Variants in CCDC102B observed in about 807,000 individuals in gnomAD.
CCDC102B encodes coiled-coil domain-containing protein 102B.
In CCDC102B, 75 loss-of-function variants were observed where a neutral mutation model predicts 57.4. The ratio of observed to expected loss-of-function variants is 1.31; its 90% CI spans 1.08 to 1.58. CCDC102B has a LOEUF of 1.58. CCDC102B is among the 40% of genes most tolerant of loss of function. The probability of loss-of-function intolerance (pLI) is 0.00; values close to 1 mark genes in which losing one functional copy is unlikely to be tolerated. For synonymous variants in CCDC102B, 206 were observed against 201.9 expected (o/e 1.02, Z -0.17); for missense variants, 636 against 582.6 (o/e 1.09, Z -0.94).
intron 2 of CCDC102B, among the ~76,000 whole-genome samples, chr18:68,728,936 AT>A (rs147689567): frequency 2.2e-4 from 33 of 151,548 alleles, no homozygotes; most frequent in African/African-American, 4.6e-4. Context: ...CCATATATTG[AT>A]TTTTTTTTAA....
intron 7 of CCDC102B, among the ~76,000 whole-genome samples, chr18:69,018,628 T>C (rs1166020298): frequency 6.6e-6 from 1 of 152,170 alleles, no homozygotes; most frequent in Non-Finnish European, 1.5e-5. Flanking sequence ...TTTTGGGTAT[T>C]TTTGCTATTG....
chr18:68,889,734 C>T (rs138599790), intron 5 of CCDC102B, among the ~76,000 whole-genome samples: 5 of 152,136 alleles, frequency 3.3e-5, no homozygotes, highest in Admixed American at 1.3e-4. Flanking sequence ...CCACCGGGCC[C>T]GGCCAAATTA....
At chr18:68,779,397 G>A (rs185064458) in intron 2 of CCDC102B, among the ~76,000 whole-genome samples, 11 of 152,234 alleles carry the variant, frequency 7.2e-5, no homozygotes, top group Admixed American at 2.6e-4. Flanking sequence ...CAAAGATTGC[G>A]TAAGCATAGC....
chr18:69,022,291 GCACACA>G (rs569332359), intron 7 of CCDC102B, among the ~76,000 whole-genome samples: 1 of 148,952 alleles, frequency 6.7e-6, no homozygotes, highest in Non-Finnish European at 1.5e-5. Context: ...ATATATGTGG[GCACACA>G]CACACACATA....
chr18:69,049,009 G>T (rs1232270033), intron 7 of CCDC102B, among the ~76,000 whole-genome samples: 8 of 150,584 alleles, frequency 5.3e-5, no homozygotes, highest in Non-Finnish European at 1.0e-4. Context: ...ATTCCTGTAT[G>T]TTACCATCAT....
In CCDC102B at chr18:69,054,261, A is replaced by G; in HGVS notation, c.*124A>G. On this transcript the variant is annotated 3_prime_UTR_variant, in exon 8 of 8. Transcript: ENST00000360242. ...TATTAATGAAAAAAACGTAGACAAT[A>G]CACAAATTAATGGGCTTCTTCACTT... 1 of 1,346,936 alleles carries G rather than the reference A, an allele frequency of 7.4e-7. No homozygotes were observed. The highest frequency in any genetic ancestry group is 2.9e-5 in the East Asian group (1 of 34,256). 83.4% of individuals were successfully genotyped at this position (1,346,936 alleles called of 1,614,324 possible).
At chr18:68,975,264 T>C (rs1357638298) in intron 6 of CCDC102B, among the ~76,000 whole-genome samples, 1 of 152,108 alleles carries the variant, frequency 6.6e-6, no homozygotes, top group Non-Finnish European at 1.5e-5. Flanking sequence ...AAATTTTCTA[T>C]TCACTTTTAT....
chr18:69,010,912 A>G (rs753567238), intron 6 of CCDC102B, 22 bp from the exon 7 acceptor site: 2 of 1,542,588 alleles, frequency 1.3e-6, no homozygotes, highest in South Asian at 1.2e-5. Context: ...TAAATAATGT[A>G]ATTTTTGTTT....
chr18:69,053,125 G>A (rs1296855324), intron 7 of CCDC102B, among the ~76,000 whole-genome samples: 2 of 151,732 alleles, frequency 1.3e-5, no homozygotes, highest in Admixed American at 1.3e-4. Context: ...ATGGAAAGGA[G>A]GGTAGGTATA....
At position 68,837,293 on chromosome 18, in the gene CCDC102B, G is replaced by A. The variant is rs374908896; in HGVS notation, c.530G>A (p.Ser177Asn). ...SCEHTDQFQL[S>N]SQMHESIREY... ...GAACATACAGACCAATTTCAATTGA[G>A]TTCACAAATGCATGAGTCTATCAGA... Residue 177 changes from serine to asparagine, a missense_variant, in exon 2 of 8, where the codon AGT (serine) becomes AAT (asparagine). Physicochemically the swap from Ser to Asn is conservative, Grantham distance 46. Transcript: ENST00000360242. The A allele has an allele frequency of 2.4e-5, 38 of 1,613,940 alleles. No homozygotes were observed. In the African/African-American group the frequency reaches 4.1e-4, roughly 18 times the overall value.
chr18:68,940,440 A>T (rs1305678896), intron 6 of CCDC102B, among the ~76,000 whole-genome samples: 5 of 151,886 alleles, frequency 3.3e-5, no homozygotes. Context: ...CTTTACATTA[A>T]TGAATCACAT....
chr18:68,782,543 T>C (rs777950175), intron 2 of CCDC102B, among the ~76,000 whole-genome samples: 8 of 152,216 alleles, frequency 5.3e-5, no homozygotes, highest in Non-Finnish European at 7.4e-5. Flanking sequence ...TATTTTTGCA[T>C]GTCCTCTGCT....
At chr18:68,849,368 T>G (rs531107617) in intron 4 of CCDC102B, among the ~76,000 whole-genome samples, 1 of 152,236 alleles carries the variant, frequency 6.6e-6, no homozygotes, top group East Asian at 1.9e-4. Context: ...CTTATTGCTA[T>G]TCCTGTGGCT....
chr18:68,721,512 G>A (rs575006069), intron 2 of CCDC102B: 176 of 152,246 alleles, frequency 1.2e-3, no homozygotes, highest in African/African-American at 4.0e-3. Context: ...TCAACATGAA[G>A]CTTGTGAGCT....
chr18:68,867,730 C>G (rs2039058496), intron 4 of CCDC102B, among the ~76,000 whole-genome samples: 1 of 151,892 alleles, frequency 6.6e-6, no homozygotes, highest in African/African-American at 2.4e-5. Flanking sequence ...GTCAGGAGAT[C>G]GACACCATCC....
At chr18:69,039,118 A>G (rs1483214976) in intron 7 of CCDC102B, among the ~76,000 whole-genome samples, 1 of 151,950 alleles carries the variant, frequency 6.6e-6, no homozygotes, top group Non-Finnish European at 1.5e-5. Flanking sequence ...CAAAAATGTC[A>G]CTTTCTAGAT....
At chr18:68,771,965 T>C (rs1252468832) in intron 2 of CCDC102B, among the ~76,000 whole-genome samples, 3 of 151,946 alleles carry the variant, frequency 2.0e-5, no homozygotes, top group Non-Finnish European at 4.4e-5. Flanking sequence ...CTTAGGTAAA[T>C]AGGTCTTTCC....
intron 6 of CCDC102B, among the ~76,000 whole-genome samples, chr18:68,950,604 C>T (rs1240553404): frequency 1.3e-5 from 2 of 151,868 alleles, no homozygotes; most frequent in African/African-American, 4.8e-5. Context: ...GCATTCTCAC[C>T]GTCGATTCTC....
intron 6 of CCDC102B, among the ~76,000 whole-genome samples, chr18:68,905,847 A>G (rs796364582): frequency 3.3e-4 from 40 of 119,984 alleles, no homozygotes; most frequent in Middle Eastern, 7.6e-3. Flanking sequence ...AGGCTGGAGT[A>G]CAGTGGTGCG....
Sources: allele counts gnomAD v4.1 joint callset (sites outside exome capture counted in the v4.1 genomes callset), GRCh38; gene constraint gnomAD v4.1.1; transcripts MANE v1.5; gene names NCBI Gene and HGNC (gene_info 2026-07-23, HGNC 2026-07-21).